SUGCT: variants seen among roughly 807,000 people sequenced by gnomAD.
SUGCT encodes the protein succinyl-CoA:glutarate-CoA transferase.
Under a neutral mutation model 55.0 loss-of-function variants are expected in SUGCT, and 41 were observed. That is an observed-to-expected ratio of 0.74 (90% CI 0.58 to 0.97). SUGCT has a LOEUF of 0.97. SUGCT is among the 50% of genes least tolerant of loss of function. The pLI is 0.00. For synonymous variants in SUGCT, 187 were observed against 200.4 expected (o/e 0.93, Z 0.56); for missense variants, 568 against 547.8 (o/e 1.04, Z -0.37).
chr7:40,215,008 CAT>C (rs1787543593), intron 6 of SUGCT, among the ~76,000 whole-genome samples: 1 of 151,978 alleles, frequency 6.6e-6, no homozygotes, highest in Non-Finnish European at 1.5e-5. Context: ...AGATCAGTCA[CAT>C]AGGCATTCCC....
At chr7:40,823,501 AT>A (rs1035444372) in intron 13 of SUGCT, among the ~76,000 whole-genome samples, 1 of 152,108 alleles carries the variant, frequency 6.6e-6, no homozygotes, top group African/African-American at 2.4e-5. Context: ...GTCGTTTCAC[AT>A]GTGTACTCAG....
chr7:40,914,272 C>CTTTTTTTTT, the SUGCT span, among the ~76,000 whole-genome samples: 2 of 139,208 alleles, frequency 1.4e-5, no homozygotes, highest in African/African-American at 5.8e-5. Context: ...TTATTTTTTT[C>CTTTTTTTTT]TTTTTCTTTT....
At chr7:40,504,003 G>A (rs1792446792) in intron 12 of SUGCT, among the ~76,000 whole-genome samples, 1 of 152,116 alleles carries the variant, frequency 6.6e-6, no homozygotes, top group African/African-American at 2.4e-5. Context: ...ATGCCACTTT[G>A]TACAAACTCA....
At chr7:40,733,494 T>C (rs1281929877) in intron 12 of SUGCT, among the ~76,000 whole-genome samples, 4 of 152,194 alleles carry the variant, frequency 2.6e-5, no homozygotes, top group African/African-American at 9.6e-5. Context: ...AACCAAAATG[T>C]AAAATGAAAA....
chr7:40,143,216 A>G (rs559396345), intron 1 of SUGCT, among the ~76,000 whole-genome samples: 44 of 152,188 alleles, frequency 2.9e-4, no homozygotes, highest in Non-Finnish European at 5.4e-4. Context: ...CCATAATCCC[A>G]CCATACATCC....
chr7:40,731,977 T>A (rs1786909651), intron 12 of SUGCT, among the ~76,000 whole-genome samples: 1 of 152,190 alleles, frequency 6.6e-6, no homozygotes, highest in African/African-American at 2.4e-5. Context: ...TTAAACAGAA[T>A]TCTAGCTCCT....
At chr7:40,951,352 C>CT in the SUGCT span, among the ~76,000 whole-genome samples, 6 of 152,100 alleles carry the variant, frequency 3.9e-5, no homozygotes, top group Admixed American at 1.3e-4. Flanking sequence ...CTCTTTTCTT[C>CT]TTTATTAGTC....
chr7:40,687,917 A>AT (rs1562946879), intron 12 of SUGCT, among the ~76,000 whole-genome samples: 4 of 151,958 alleles, frequency 2.6e-5, no homozygotes, highest in Non-Finnish European at 4.4e-5. Context: ...GAGATAATTT[A>AT]TTTTTGTCCA....
At chr7:40,995,380 C>CCGTTATTAT in the SUGCT span, among the ~76,000 whole-genome samples, 3 of 44,144 alleles carry the variant, frequency 6.8e-5, no homozygotes, top group African/African-American at 4.0e-4. Context: ...CCTATAATAG[C>CCGTTATTAT]TGTTATTATT....
the SUGCT span, among the ~76,000 whole-genome samples, chr7:40,921,772 T>C: frequency 6.6e-6 from 1 of 152,158 alleles, no homozygotes; most frequent in African/African-American, 2.4e-5. Flanking sequence ...AAAGTGAGGT[T>C]GCCCACTGCA....
intron 7 of SUGCT, among the ~76,000 whole-genome samples, chr7:40,257,268 T>G (rs1790875027): frequency 6.6e-6 from 1 of 152,162 alleles, no homozygotes; most frequent in Admixed American, 6.5e-5. Flanking sequence ...CATTGAGCAT[T>G]CTATGTAACA....
intron 6 of SUGCT, among the ~76,000 whole-genome samples, chr7:40,221,390 G>A (rs1343479317): frequency 6.7e-6 from 1 of 149,618 alleles, no homozygotes; most frequent in Non-Finnish European, 1.5e-5. Flanking sequence ...CTCCAGCTTG[G>A]GTGACAGAGC....
the SUGCT span, among the ~76,000 whole-genome samples, chr7:41,000,813 A>C: frequency 6.6e-6 from 1 of 152,208 alleles, no homozygotes; most frequent in African/African-American, 2.4e-5. Flanking sequence ...GAAAATGTGC[A>C]TATGGAGAGG....
At chr7:40,445,783 G>A (rs973559544) in intron 9 of SUGCT, among the ~76,000 whole-genome samples, 4 of 152,092 alleles carry the variant, frequency 2.6e-5, no homozygotes, top group African/African-American at 9.7e-5. Context: ...TATTTAAGAT[G>A]TTTATTAAAT....
intron 7 of SUGCT, among the ~76,000 whole-genome samples, chr7:40,273,946 C>G (rs1562635492): frequency 6.6e-6 from 1 of 152,070 alleles, no homozygotes; most frequent in Non-Finnish European, 1.5e-5. Context: ...AATCCTAATT[C>G]AGGGGCAGTC....
chr7:40,440,145 G>GTTTTTTTTTTTT (rs138984553), intron 9 of SUGCT, among the ~76,000 whole-genome samples: 3 of 68,456 alleles, frequency 4.4e-5, no homozygotes, highest in African/African-American at 2.0e-4. Flanking sequence ...GTGTGTGTGT[G>GTTTTTTTTTTTT]TTTTTTTTTT....
At chr7:41,009,815 T>C in the SUGCT span, among the ~76,000 whole-genome samples, 15 of 152,154 alleles carry the variant, frequency 9.9e-5, no homozygotes, top group African/African-American at 3.6e-4. Context: ...ACCCCAGATG[T>C]GTTAAGTTTG....
chr7:40,784,655 T>G (rs1789928914), intron 13 of SUGCT, among the ~76,000 whole-genome samples: 1 of 152,150 alleles, frequency 6.6e-6, no homozygotes, highest in African/African-American at 2.4e-5. Flanking sequence ...AATGCTAAAA[T>G]TACCCTAACA....
At chr7:40,359,351 T>A (rs1798038456) in intron 9 of SUGCT, among the ~76,000 whole-genome samples, 1 of 152,094 alleles carries the variant, frequency 6.6e-6, no homozygotes, top group Non-Finnish European at 1.5e-5. Flanking sequence ...ATTACAGACA[T>A]GTGCCACCAC....
Sources: allele counts gnomAD v4.1 joint callset (sites outside exome capture counted in the v4.1 genomes callset), GRCh38; gene constraint gnomAD v4.1.1; transcripts MANE v1.5; gene names NCBI Gene and HGNC (gene_info 2026-07-23, HGNC 2026-07-21).